Variants in KIF26B observed in about 807,000 individuals in gnomAD.
KIF26B encodes kinesin-like protein KIF26B.
KIF26B carries 63 observed loss-of-function variants against 151.2 expected under a neutral mutation model. The observed-to-expected ratio is 0.42, with a 90% CI of 0.34 to 0.51. The LOEUF is 0.51. Among genes scored for constraint, KIF26B ranks in the 20% least tolerant of loss-of-function variants. The pLI is 0.07. For synonymous variants in KIF26B, 1,357 were observed against 1,262.1 expected, an observed-to-expected ratio of 1.08 and a Z score of -1.59; for missense variants, 2,813 against 2,913.6, an observed-to-expected ratio of 0.97 and a Z score of 0.79.
At chr1:245,207,278 G>A (rs1210492879) in intron 2 of KIF26B, among the ~76,000 whole-genome samples, 1 of 152,228 alleles carries the variant, frequency 6.6e-6, no homozygotes, top group Non-Finnish European at 1.5e-5. Flanking sequence ...AGGACTGGTT[G>A]CCACGAGAGC....
intron 2 of KIF26B, among the ~76,000 whole-genome samples, chr1:245,296,084 T>G (rs1255066205): frequency 2.6e-5 from 4 of 152,154 alleles, no homozygotes; most frequent in Non-Finnish European, 4.4e-5. Context: ...CCTAAAATGC[T>G]TAGAGTTTAT....
intron 10 of KIF26B, 84 bp from the exon 11 acceptor site, chr1:245,684,149 G>A: frequency 1.4e-6 from 2 of 1,432,422 alleles, no homozygotes; most frequent in Admixed American, 2.1e-5. Context: ...ACAACAAAAT[G>A]GCCGTGTGCA....
intron 2 of KIF26B, among the ~76,000 whole-genome samples, chr1:245,335,408 A>G (rs1042245269): frequency 6.6e-6 from 1 of 152,162 alleles, no homozygotes; most frequent in Non-Finnish European, 1.5e-5. Context: ...GCCAAACATG[A>G]CAGACCAGGA....
intron 5 of KIF26B, among the ~76,000 whole-genome samples, chr1:245,552,145 G>A (rs1055725804): frequency 1.9e-4 from 29 of 151,032 alleles, no homozygotes; most frequent in South Asian, 8.4e-4. Context: ...GTGTGTGTGT[G>A]TGTGTGTGTG....
At chr1:245,307,917 T>A (rs1318144015) in intron 2 of KIF26B, among the ~76,000 whole-genome samples, 1 of 152,190 alleles carries the variant, frequency 6.6e-6, no homozygotes, top group Non-Finnish European at 1.5e-5. Flanking sequence ...ATTTTTTGTA[T>A]TTTTAGTGGA....
chr1:245,329,839 G>C (rs1445097807), intron 2 of KIF26B, among the ~76,000 whole-genome samples: 1 of 152,190 alleles, frequency 6.6e-6, no homozygotes, highest in African/African-American at 2.4e-5. Context: ...TAAGAGACAG[G>C]CCTCACTCCG....
At chr1:245,429,763 GCCA>G (rs757113852) in intron 4 of KIF26B, among the ~76,000 whole-genome samples, 3 of 152,128 alleles carry the variant, frequency 2.0e-5, no homozygotes, top group Non-Finnish European at 4.4e-5. Flanking sequence ...ACAGGCACCT[GCCA>G]CCACACCTGG....
chr1:245,204,821 C>T lies in KIF26B; in HGVS notation c.465+48138C>T, dbSNP rs181519657. The stretch of plus-strand genomic sequence containing the variant: ...TAAGAGATGAGGTCTCACTCTGTCA[C>T]GCAGGCTGGAGTGCGGTGGCAGAAT... On this transcript the variant is annotated intron_variant, in intron 2 of 14. Transcript: ENST00000407071. 3.3e-3 allele frequency among the ~76,000 whole-genome samples: 505 copies of T among 152,112 alleles called. 1 individual carries two copies. Among genetic ancestry groups the T allele is most frequent in the Non-Finnish European group, 3.7e-3 (251 of 68,010 alleles).
chr1:245,364,092 G>A (rs762866337), intron 2 of KIF26B, among the ~76,000 whole-genome samples: 14 of 152,210 alleles, frequency 9.2e-5, no homozygotes, highest in Admixed American at 2.0e-4. Context: ...TCTGGACTGT[G>A]AACTCTCAGA....
chr1:245,422,981 C>T (rs942479377), intron 4 of KIF26B, among the ~76,000 whole-genome samples: 5 of 151,894 alleles, frequency 3.3e-5, no homozygotes. Context: ...TGTCTATAAT[C>T]CCAGCTACTT....
intron 3 of KIF26B, among the ~76,000 whole-genome samples, chr1:245,387,168 G>GTTTT (rs11453729): frequency 7.1e-6 from 1 of 140,100 alleles, no homozygotes; most frequent in African/African-American, 2.8e-5. Flanking sequence ...TTTGTTTTTT[G>GTTTT]TTTTTTGTTT....
At chr1:245,296,544 G>GA (rs1671340396) in intron 2 of KIF26B, among the ~76,000 whole-genome samples, 1 of 152,160 alleles carries the variant, frequency 6.6e-6, no homozygotes, top group South Asian at 2.1e-4. Flanking sequence ...CTGGGTGGGG[G>GA]ACGTGCAGCC....
At chr1:245,267,583 A>G (rs1395318921) in intron 2 of KIF26B, among the ~76,000 whole-genome samples, 1 of 151,482 alleles carries the variant, frequency 6.6e-6, no homozygotes, top group African/African-American at 2.4e-5. Flanking sequence ...TCAGCCACGT[A>G]TTAAGCCACA....
rs372023523 is a variant in KIF26B at position 245,686,286 on chromosome 1, C to T, written c.3303C>T (p.Pro1101=). 5.8e-5 allele frequency: 94 copies of T among 1,612,906 alleles called. No individual in the cohort carries two copies. Among genetic ancestry groups the T allele is most frequent in the Non-Finnish European group, 7.5e-5 (89 of 1,179,888 alleles). ...CCCAGAAGGGGGTCCTGCCGTCTCC[C>T]GCCCCACTGCCTCCCTCGAGCAAGG... The part of the protein sequence containing the change: ...VYTQKGVLPS[P]APLPPSSKDS... The change falls in exon 12 of 15, where the codon CCC becomes CCT. Residue 1101 remains proline (P), a synonymous_variant. Coordinates refer to ENST00000407071, the MANE Select transcript of KIF26B (RefSeq NM_018012.4). The surrounding 1 kb of genome is among the most constrained non-coding windows in gnomAD (Gnocchi z 5.6).
At chr1:245,349,598 G>C (rs1672526138) in intron 2 of KIF26B, among the ~76,000 whole-genome samples, 1 of 146,514 alleles carries the variant, frequency 6.8e-6, no homozygotes, top group Admixed American at 6.8e-5. Flanking sequence ...AACTCACTCT[G>C]ATATTAACTG....
intron 2 of KIF26B, among the ~76,000 whole-genome samples, chr1:245,280,597 GTTT>G (rs74163033): frequency 1.5e-4 from 16 of 104,500 alleles, no homozygotes; most frequent in Non-Finnish European, 2.3e-4. Context: ...GGAAGTTTTC[GTTT>G]TTTTTTTTTT....
chr1:245,540,449 C>G lies in KIF26B; in HGVS notation c.1167-318C>G. On this transcript the variant is annotated intron_variant, in intron 4 of 14. Transcript: ENST00000407071. This position sits in a 1 kb window ranked among gnomAD's most constrained non-coding sequence, Gnocchi z 4.6. ...GTGGAGTGATGAACTTAATGGGTGC[C>G]CTTATCCCCAAAGATGCCCAGCTTT... 1 of 558,914 alleles carries G rather than the reference C, an allele frequency of 1.8e-6. No individual in the cohort carries two copies. Among genetic ancestry groups the G allele is most frequent in the East Asian group, 4.2e-5 (1 of 23,834 alleles). 34.6% of individuals were successfully genotyped at this position (558,914 alleles called of 1,614,324 possible).
chr1:245,592,964 C>G (rs559447308), intron 5 of KIF26B, among the ~76,000 whole-genome samples: 5 of 152,224 alleles, frequency 3.3e-5, no homozygotes, highest in Non-Finnish European at 7.3e-5. Context: ...TAGTTGTCCC[C>G]TGGATTTCCT....
At chr1:245,513,224 G>A (rs1318219577) in intron 4 of KIF26B, among the ~76,000 whole-genome samples, 4 of 25,106 alleles carry the variant, frequency 1.6e-4, no homozygotes, top group Admixed American at 1.1e-3. Context: ...CCCCAACCCC[G>A]CCGCCCCCTC....
Sources: gnomAD v4.1 joint callset for allele counts (sites outside exome capture counted in the v4.1 genomes callset) on GRCh38, gnomAD v4.1.1 for gene constraint, Gnocchi (gnomAD v3.1) non-coding constraint, MANE v1.5 for transcripts, NCBI Gene and HGNC (gene_info 2026-07-23, HGNC 2026-07-21) for gene names.